The following BIN3 variants were observed in gnomAD, a reference collection of about 807,000 sequenced individuals.
BIN3 encodes bridging integrator 3.
BIN3 carries 41 observed loss-of-function variants against 38.2 expected under a neutral mutation model. The ratio of observed to expected loss-of-function variants is 1.07; its 90% CI spans 0.84 to 1.39. The LOEUF is 1.39. Among genes scored for constraint, BIN3 ranks in the 40% most tolerant of loss-of-function variants. BIN3 has a pLI of 0.00. For synonymous variants in BIN3, 145 were observed against 122.6 expected (o/e 1.18, Z -1.21); for missense variants, 361 against 324.3 (o/e 1.11, Z -0.87).
chr8:22,648,490 G>A (rs1287106734), intron 1 of BIN3, among the ~76,000 whole-genome samples: 1 of 152,142 alleles, frequency 6.6e-6, no homozygotes, highest in Non-Finnish European at 1.5e-5. Context: ...GGACTTGTCT[G>A]ATGCTTTTCT....
intron 4 of BIN3, chr8:22,634,551 A>C (rs1802307752): frequency 2.2e-6 from 1 of 447,182 alleles, no homozygotes; most frequent in Admixed American, 2.4e-5. Flanking sequence ...AACAAATTCA[A>C]ATCACTGCCT....
intron 1 of BIN3, among the ~76,000 whole-genome samples, chr8:22,647,202 G>C (rs1210042033): frequency 1.3e-5 from 2 of 152,224 alleles, no homozygotes. Context: ...AGAAGTCTCA[G>C]AGTGGTCTTC....
chr8:22,625,345 G>A (rs780535483), intron 6 of BIN3: 63 of 702,472 alleles, frequency 9.0e-5, no homozygotes, highest in Non-Finnish European at 1.3e-4. Flanking sequence ...ATCAGGCTGC[G>A]CAGCCCAGGG....
At chr8:22,657,414 G>T (rs1803091215) in intron 1 of BIN3, among the ~76,000 whole-genome samples, 1 of 152,236 alleles carries the variant, frequency 6.6e-6, no homozygotes, top group African/African-American at 2.4e-5. Flanking sequence ...CAGCGCTGGG[G>T]TCCAGCAACA....
chr8:22,630,307 T>C (rs1003642176), intron 5 of BIN3, 135 bp downstream of exon 5: 10 of 1,304,332 alleles, frequency 7.7e-6, no homozygotes, highest in African/African-American at 1.5e-5. Flanking sequence ...TTGCAGCACC[T>C]TGCAGCACAC....
rs930993134 is a variant in BIN3 at position 22,669,104 on chromosome 8, A to G, written c.-53T>C. On this transcript the variant is annotated 5_prime_UTR_variant, in exon 1 of 9. Transcript: ENST00000276416. The stretch of plus-strand genomic sequence containing the variant: ...GTCCTCAGCCACAACTCGTTTCTCT[A>G]GGGTCACTTCCGGATTCAACCAGTC... 1.7e-5 allele frequency: 27 copies of G among 1,572,888 alleles called. No individual in the cohort carries two copies. Among genetic ancestry groups the G allele is most frequent in the Non-Finnish European group, 2.3e-5 (27 of 1,158,958 alleles).
At chr8:22,622,813 G>T (rs143442215) in intron 8 of BIN3, 1 of 152,378 alleles carries the variant, frequency 6.6e-6, no homozygotes, top group African/African-American at 2.4e-5. Context: ...CGCTGCAGGA[G>T]CAAGTGTCAG....
intron 1 of BIN3, among the ~76,000 whole-genome samples, chr8:22,650,915 A>G (rs574806672): frequency 1.8e-4 from 28 of 152,320 alleles, no homozygotes; most frequent in Admixed American, 7.2e-4. Flanking sequence ...GGTTAGCTCA[A>G]TATTAAGTAA....
chr8:22,632,653 A>G (rs1488875044), intron 4 of BIN3, among the ~76,000 whole-genome samples: 1 of 152,012 alleles, frequency 6.6e-6, no homozygotes, highest in Non-Finnish European at 1.5e-5. Context: ...AAAATATCTG[A>G]GGAAAACAAC....
At chr8:22,642,392 T>C (rs1326893547) in intron 2 of BIN3, among the ~76,000 whole-genome samples, 1 of 152,204 alleles carries the variant, frequency 6.6e-6, no homozygotes, top group Non-Finnish European at 1.5e-5. Context: ...CTACTTCTAC[T>C]TCAGTGCCTC....
chr8:22,660,566 A>G (rs537693767), intron 1 of BIN3, among the ~76,000 whole-genome samples: 69 of 152,350 alleles, frequency 4.5e-4, no homozygotes, highest in Middle Eastern at 3.4e-3. Context: ...GGCTGGATGG[A>G]AACTGACTTC....
At chr8:22,657,847 T>C (rs1010171308) in intron 1 of BIN3, among the ~76,000 whole-genome samples, 1 of 152,228 alleles carries the variant, frequency 6.6e-6, no homozygotes, top group East Asian at 1.9e-4. Context: ...GAGAAGCAGC[T>C]GCTTTGGAGG....
At chr8:22,660,912 G>T (rs1803214788) in intron 1 of BIN3, among the ~76,000 whole-genome samples, 1 of 152,044 alleles carries the variant, frequency 6.6e-6, no homozygotes, top group Admixed American at 6.6e-5. Context: ...TTGAGACAGG[G>T]TTTCCCTCTG....
chr8:22,661,349 A>ATTTTTTTTTT (rs1563985988), intron 1 of BIN3, among the ~76,000 whole-genome samples: 1 of 66,804 alleles, frequency 1.5e-5, no homozygotes, highest in Non-Finnish European at 3.0e-5. Context: ...TGAATGTATC[A>ATTTTTTTTTT]TTCTTTTTTT....
chr8:22,658,962 C>A (rs1277948624), intron 1 of BIN3, among the ~76,000 whole-genome samples: 1 of 152,208 alleles, frequency 6.6e-6, no homozygotes, highest in Admixed American at 6.5e-5. Flanking sequence ...GAAGGACAAG[C>A]CCCTCCCCCG....
At chr8:22,623,347 C>A (rs909908806) in intron 8 of BIN3, among the ~76,000 whole-genome samples, 2 of 152,218 alleles carry the variant, frequency 1.3e-5, no homozygotes, top group African/African-American at 2.4e-5. Context: ...CCGTGTCTGA[C>A]CCCCAGTGGC....
At chr8:22,634,670 G>T (rs1802312946) in intron 4 of BIN3, 2 of 386,888 alleles carry the variant, frequency 5.2e-6, no homozygotes, top group African/African-American at 4.2e-5. Context: ...CCTTTGAATG[G>T]TGTCAGGAGA....
At chr8:22,666,170 TG>T (rs1803410405) in intron 1 of BIN3, among the ~76,000 whole-genome samples, 1 of 152,078 alleles carries the variant, frequency 6.6e-6, no homozygotes, top group Non-Finnish European at 1.5e-5. Flanking sequence ...TCAAGGTGTA[TG>T]GTTCAACAGG....
intron 4 of BIN3, among the ~76,000 whole-genome samples, chr8:22,632,710 T>TC (rs1802245608): frequency 6.6e-6 from 1 of 150,682 alleles, no homozygotes; most frequent in East Asian, 1.9e-4. Context: ...CTTTCCTTTT[T>TC]TTTTTTTTTT....
Sources: gnomAD v4.1 joint callset for allele counts (sites outside exome capture counted in the v4.1 genomes callset) on GRCh38, gnomAD v4.1.1 for gene constraint, MANE v1.5 for transcripts, NCBI Gene and HGNC (gene_info 2026-07-23, HGNC 2026-07-21) for gene names.